Variants in MARS1 observed in about 807,000 individuals in gnomAD.
MARS1 encodes the protein methionine--tRNA ligase, cytoplasmic.
MARS1 carries 80 observed loss-of-function variants against 119.5 expected under a neutral mutation model. That is an observed-to-expected ratio of 0.67 (90% CI 0.56 to 0.81). The LOEUF (loss-of-function observed/expected upper bound fraction) is 0.81. Ranked by LOEUF, MARS1 falls within the 30% of genes least tolerant of loss-of-function variation. The probability of loss-of-function intolerance (pLI) is 0.00; values close to 1 mark genes in which losing one functional copy is unlikely to be tolerated. For missense variants in MARS1, 945 were observed against 1,116.5 expected (o/e 0.85, Z 2.19); for synonymous variants, 418 against 433.4 (o/e 0.96, Z 0.44).
chr12:57,493,914 AAT>A lies in MARS1; in HGVS notation c.770+3278_770+3279del, dbSNP rs1199144643. ...TATATTTATGTTATATAATATATAT[AAT>A]ATATATAATATATATTATATATTAT... On this transcript the variant is annotated intron_variant, in intron 7 of 20. Transcript: ENST00000262027. Among the ~76,000 whole-genome samples the A allele has an allele frequency of 2.1e-3, 153 of 71,670 alleles. 3 individuals carry two copies. The highest frequency in any genetic ancestry group is 3.3e-3 in the Non-Finnish European group (136 of 41,740). 47.0% of individuals were successfully genotyped at this position (71,670 alleles called of 152,430 possible). A position where few individuals can be genotyped will look rare whatever the true frequency, so the allele number is the denominator to read the frequency against.
chr12:57,500,623 C>A, intron 10 of MARS1, 101 bp downstream of exon 10: 2 of 1,155,942 alleles, frequency 1.7e-6, no homozygotes, highest in South Asian at 1.4e-5. Context: ...GCATTCTAGA[C>A]CTTTAACCAG....
At chr12:57,514,208 A>G (rs1251927903) in intron 15 of MARS1, among the ~76,000 whole-genome samples, 25 of 124,246 alleles carry the variant, frequency 2.0e-4, no homozygotes, top group Non-Finnish European at 3.5e-4. Context: ...CCCAGGCTGG[A>G]GTGCAGTGGC....
chr12:57,492,669 T>TCTCACACACA lies in MARS1; in HGVS notation c.770+2026_770+2027insTCACACACAC, dbSNP rs1217908969. On this transcript the variant is annotated intron_variant, in intron 7 of 20. Transcript: ENST00000262027. ...CTGGGCAACAGAGCGCGACTCCATT[T>TCTCACACACA]CACACACACACACACACACACACAC... is the stretch of plus-strand genomic sequence containing the variant. Among the ~76,000 whole-genome samples the TCTCACACACA allele has an allele frequency of 2.7e-3, 381 of 139,524 alleles. 3 individuals are homozygous for TCTCACACACA. Among genetic ancestry groups the TCTCACACACA allele is most frequent in the African/African-American group, 9.6e-3 (363 of 37,802 alleles). The allele number at this position is 139,524 out of a possible 152,430, so 91.5% of individuals were successfully genotyped here.
chr12:57,514,926 C>G (rs762970108), intron 16 of MARS1, 28 bp from the exon 17 acceptor site: 2 of 1,613,878 alleles, frequency 1.2e-6, no homozygotes, highest in African/African-American at 2.7e-5. Flanking sequence ...TAGGACATTA[C>G]ACCTTGGCCT....
chr12:57,500,186 G>A, intron 9 of MARS1, 135 bp from the exon 10 acceptor site: 1 of 732,734 alleles, frequency 1.4e-6, no homozygotes, highest in East Asian at 2.5e-5. Context: ...AAGATGAATA[G>A]ATGCCCTTTT....
At chr12:57,500,016 G>A (rs536348057) in intron 9 of MARS1, 1 of 357,074 alleles carries the variant, frequency 2.8e-6, no homozygotes, top group Admixed American at 4.1e-5. Context: ...TTAAAGAACA[G>A]GCACAGTCCT....
chr12:57,489,130 T>C, intron 2 of MARS1, 21 bp downstream of exon 2: 3 of 1,611,960 alleles, frequency 1.9e-6, no homozygotes, highest in Non-Finnish European at 2.5e-6. Flanking sequence ...GTCCTTGGTG[T>C]AGGGAGGTGG....
rs900097425 is a variant in MARS1, at chr12:57,512,863, G to A, written c.1866G>A (p.Leu622=). Residue 622 remains leucine (L), a synonymous_variant, in exon 15 of 21, where the codon CTG becomes CTA. Transcript: ENST00000262027. ...IPADIWRFYL[L]YIRPEGQDSA... Reference sequence around the variant, plus strand: ...CTGACATCTGGCGCTTCTATCTGCTGTACATTCGGCCTGAGGGCCAGGACA... The same window carrying A: ...CTGACATCTGGCGCTTCTATCTGCTATACATTCGGCCTGAGGGCCAGGACA... The A allele has an allele frequency of 2.5e-6, 4 of 1,614,256 alleles. No homozygotes were observed. The highest frequency in any genetic ancestry group is 3.4e-6 in the Non-Finnish European group (4 of 1,180,044).
chr12:57,513,644 A>G (rs1877631397), intron 15 of MARS1, among the ~76,000 whole-genome samples: 1 of 149,632 alleles, frequency 6.7e-6, no homozygotes, highest in South Asian at 2.1e-4. Flanking sequence ...GGCTTCTGCT[A>G]TACTCTTCAG....
intron 11 of MARS1, among the ~76,000 whole-genome samples, chr12:57,510,955 T>C (rs1319059216): frequency 6.6e-6 from 1 of 151,934 alleles, no homozygotes; most frequent in African/African-American, 2.4e-5. Context: ...GTGCCTGTAG[T>C]GCCAGCTACT....
chr12:57,502,185 GC>G (rs1876947794), intron 10 of MARS1, among the ~76,000 whole-genome samples: 1 of 152,182 alleles, frequency 6.6e-6, no homozygotes, highest in South Asian at 2.1e-4. Flanking sequence ...GGAAAAAGAT[GC>G]CTTGTAAGTT....
intron 7 of MARS1, among the ~76,000 whole-genome samples, chr12:57,493,441 C>T (rs371397140): frequency 0.82 from 541 of 662 alleles, 237 homozygotes; most frequent in African/African-American, 0.87. Context: ...TAATATATTA[C>T]ATAATATATA....
intron 7 of MARS1, among the ~76,000 whole-genome samples, chr12:57,492,595 C>T (rs1243925887): frequency 3.3e-5 from 5 of 150,718 alleles, no homozygotes; most frequent in Admixed American, 1.3e-4. Context: ...CGCTTGAACC[C>T]GGGAGGCGGA....
chr12:57,498,215 A>G lies in MARS1; in HGVS notation c.829A>G (p.Asn277Asp), dbSNP rs1377941864. The G allele has an allele frequency of 6.2e-7, 1 of 1,614,174 alleles. No homozygotes were observed. Among genetic ancestry groups the G allele is most frequent in the African/African-American group, 1.3e-5 (1 of 75,040 alleles). ...LITSALPYVN[N>D]VPHLGNIIGC... ...CACCAGTGCCCTCCCTTACGTCAAC[A>G]ATGTCCCCCACCTTGGGAACATCAT... The change falls in exon 8 of 21, where the codon AAT becomes GAT. Residue 277 changes from asparagine (N) to aspartate (D), a missense_variant. Physicochemically the swap from Asn to Asp is conservative, Grantham distance 23. Transcript: ENST00000262027.
Position 57,515,010 on chromosome 12 carries a change from T to C in MARS1, c.2156T>C (p.Ile719Thr). 1.9e-6 allele frequency: 3 copies of C among 1,614,158 alleles called. No individual in the cohort carries two copies. Among genetic ancestry groups the C allele is most frequent in the Non-Finnish European group, 2.5e-6 (3 of 1,180,034 alleles). Residue 719 changes from isoleucine to threonine, a missense_variant, in exon 17 of 21, where the codon ATT (isoleucine) becomes ACT (threonine). Coordinates refer to ENST00000262027, the MANE Select transcript of MARS1 (RefSeq NM_004990.4). ...LTISRHGNQY[I>T]QVNEPWKRIK... ...ATATCTCGACATGGCAACCAATATA[T>C]TCAGGTGAATGAGCCCTGGAAGCGG...
chr12:57,495,333 C>T (rs1238223908), intron 7 of MARS1, among the ~76,000 whole-genome samples: 2 of 151,426 alleles, frequency 1.3e-5, no homozygotes, highest in South Asian at 2.1e-4. Context: ...GGGTGGCGGT[C>T]GGGCAGAGAC....
At chr12:57,490,780 C>CTTTTTTT (rs35674919) in intron 7 of MARS1, 136 bp downstream of exon 7, 5 of 255,594 alleles carry the variant, frequency 2.0e-5, no homozygotes, top group African/African-American at 8.9e-5. Flanking sequence ...TCTTACATCT[C>CTTTTTTT]TTTTTTTTTT....
chr12:57,506,801 G>T (rs1460527613), intron 11 of MARS1, among the ~76,000 whole-genome samples: 1 of 151,160 alleles, frequency 6.6e-6, no homozygotes, highest in South Asian at 2.1e-4. Context: ...CTCAGCCTTC[G>T]AGTAGCTGGG....
Position 57,512,738 on chromosome 12 carries a change from C to T in MARS1, c.1754-13C>T. Reference sequence around the variant, plus strand: ...TGTGAGCAGATGGTTCTCACTCATTCTCCTCTGTCCAGAGTACCTGAACTA... The same window carrying T: ...TGTGAGCAGATGGTTCTCACTCATTTTCCTCTGTCCAGAGTACCTGAACTA... On this transcript the variant is annotated splice_polypyrimidine_tract_variant and intron_variant, in intron 14 of 20. Coordinates refer to ENST00000262027, the MANE Select transcript of MARS1 (RefSeq NM_004990.4). The T allele has an allele frequency of 1.9e-6, 3 of 1,602,944 alleles. No individual in the cohort carries two copies. The highest frequency in any genetic ancestry group is 4.5e-5 in the East Asian group (2 of 44,774).
Sources: gnomAD v4.1 joint callset for allele counts (sites outside exome capture counted in the v4.1 genomes callset) on GRCh38, gnomAD v4.1.1 for gene constraint, MANE v1.5 for transcripts, NCBI Gene and HGNC (gene_info 2026-07-23, HGNC 2026-07-21) for gene names.